TMEM245: variants seen among roughly 807,000 people sequenced by gnomAD.
The protein encoded by TMEM245 is protein CG-2.
In TMEM245, 69 loss-of-function variants were observed where a neutral mutation model predicts 101.2. The ratio of observed to expected loss-of-function variants is 0.68; its 90% CI spans 0.56 to 0.83. The LOEUF is 0.83. Among genes scored for constraint, TMEM245 ranks in the 40% least tolerant of loss-of-function variants. The pLI is 0.00. For synonymous variants in TMEM245, 537 were observed against 449.8 expected (o/e 1.19, Z -2.45); for missense variants, 1,075 against 1,092.8 (o/e 0.98, Z 0.23).
intron 14 of TMEM245, among the ~76,000 whole-genome samples, chr9:109,049,981 A>C (rs1376144894): frequency 6.6e-6 from 1 of 152,164 alleles, no homozygotes. Flanking sequence ...TTATAGAGAC[A>C]GGGTCTCACT....
At chr9:109,071,232 T>G (rs1008807031) in intron 9 of TMEM245, among the ~76,000 whole-genome samples, 1 of 152,086 alleles carries the variant, frequency 6.6e-6, no homozygotes, top group African/African-American at 2.4e-5. Context: ...GTATCATTAG[T>G]CCATTTTTTT....
intron 5 of TMEM245, 103 bp downstream of exon 5, chr9:109,090,819 T>C: frequency 1.9e-6 from 2 of 1,030,370 alleles, no homozygotes; most frequent in South Asian, 3.4e-5. Context: ...TGTTTTACTT[T>C]GCAAGACGGT....
At chr9:109,060,613 T>C (rs1342503664) in intron 10 of TMEM245, among the ~76,000 whole-genome samples, 161 bp from the exon 11 acceptor site, 1 of 152,230 alleles carries the variant, frequency 6.6e-6, no homozygotes, top group Non-Finnish European at 1.5e-5. Context: ...TACTCCTGAG[T>C]ATTCCCAGTA....
chr9:109,036,389 AG>A lies in TMEM245; in HGVS notation c.2225-10del, dbSNP rs773759406. On this transcript the variant is annotated splice_polypyrimidine_tract_variant and intron_variant, in intron 15 of 17. Coordinates refer to ENST00000374586, the MANE Select transcript of TMEM245 (RefSeq NM_032012.4). Reference sequence around the variant, plus strand: ...AAGGATTGCTGCTAATGCTGAAAAAAGAGTAAAAGAAAAACAACTTAACATC... The same window carrying A: ...AAGGATTGCTGCTAATGCTGAAAAAAAGTAAAAGAAAAACAACTTAACATC... 9.5e-5 allele frequency: 149 copies of A among 1,568,846 alleles called. 1 individual carries two copies. In the Admixed American group the frequency reaches 3.0e-3, roughly 32 times the overall value.
intron 12 of TMEM245, 21 bp from the exon 13 acceptor site, chr9:109,050,713 G>T (rs965872189): frequency 6.2e-7 from 1 of 1,610,782 alleles, no homozygotes; most frequent in Non-Finnish European, 8.5e-7. Context: ...AGGAAAGCTG[G>T]ATATCAGAAC....
intron 12 of TMEM245, among the ~76,000 whole-genome samples, chr9:109,054,323 T>A (rs1828773912): frequency 6.6e-6 from 1 of 152,066 alleles, no homozygotes; most frequent in Admixed American, 6.5e-5. Flanking sequence ...CAGCCTAATG[T>A]GCTTCTCTTA....
At chr9:109,056,231 G>A (rs994420411) in intron 12 of TMEM245, among the ~76,000 whole-genome samples, 2 of 152,084 alleles carry the variant, frequency 1.3e-5, no homozygotes, top group African/African-American at 4.8e-5. Context: ...ATACAGCAGG[G>A]CACTGCTGTT....
Position 109,017,926 on chromosome 9 carries a change from C to T in TMEM245, c.*2534G>A, listed in dbSNP as rs1478540625. 1 of 152,170 alleles carries T rather than the reference C, an allele frequency of 6.6e-6. No homozygotes were observed. Among genetic ancestry groups the T allele is most frequent in the African/African-American group, 2.4e-5 (1 of 41,434 alleles). The allele number at this position is 152,170 out of a possible 1,614,324, so 9.4% of individuals were successfully genotyped here. A position where few individuals can be genotyped will look rare whatever the true frequency, so the allele number is the denominator to read the frequency against. On this transcript the variant is annotated 3_prime_UTR_variant, in exon 18 of 18. Transcript: ENST00000374586. ...CCCCAGCTAGTGGACCTTCCTAGTC[C>T]TTATGCCGTTGCTGTAGCAATGGGG...
At chr9:109,118,017 A>C (rs904442506) in intron 1 of TMEM245, among the ~76,000 whole-genome samples, 13 of 152,264 alleles carry the variant, frequency 8.5e-5, no homozygotes, top group Non-Finnish European at 4.4e-5. Context: ...CTTTGGACCA[A>C]TCACATTCTC....
At chr9:109,077,724 G>C (rs897948245) in intron 8 of TMEM245, among the ~76,000 whole-genome samples, 6 of 152,130 alleles carry the variant, frequency 3.9e-5, no homozygotes, top group Admixed American at 3.3e-4. Flanking sequence ...GTCTAATATA[G>C]AATCAACTGC....
At chr9:109,034,601 C>G (rs1184543103) in intron 16 of TMEM245, among the ~76,000 whole-genome samples, 1 of 152,010 alleles carries the variant, frequency 6.6e-6, no homozygotes, top group Non-Finnish European at 1.5e-5. Flanking sequence ...CATGTGCCAC[C>G]ACACCAAACT....
intron 9 of TMEM245, among the ~76,000 whole-genome samples, chr9:109,070,240 C>T (rs143285545): frequency 5.5e-4 from 84 of 152,268 alleles, no homozygotes; most frequent in Middle Eastern, 3.4e-3. Context: ...AACTTCACCC[C>T]ATCTCTCCTG....
chr9:109,067,868 C>CTG (rs2132465559), intron 9 of TMEM245, among the ~76,000 whole-genome samples: 1 of 152,304 alleles, frequency 6.6e-6, no homozygotes, highest in South Asian at 2.1e-4. Context: ...TTATTCTTAA[C>CTG]TGTATCTTCT....
chr9:109,073,844 C>CTTTTT (rs1286950802), intron 8 of TMEM245, among the ~76,000 whole-genome samples: 40 of 121,536 alleles, frequency 3.3e-4, no homozygotes, highest in African/African-American at 7.3e-4. Context: ...AAGGAACTAA[C>CTTTTT]TTTTTTTTTT....
At chr9:109,099,124 T>A (rs1465420657) in intron 3 of TMEM245, among the ~76,000 whole-genome samples, 1 of 152,200 alleles carries the variant, frequency 6.6e-6, no homozygotes, top group East Asian at 1.9e-4. Context: ...CTCCCCAGCC[T>A]GCAAAGTTCC....
intron 3 of TMEM245, among the ~76,000 whole-genome samples, chr9:109,102,894 G>T (rs1246272265): frequency 2.6e-5 from 4 of 152,228 alleles, no homozygotes; most frequent in African/African-American, 9.6e-5. Context: ...TACCTCTCCA[G>T]TCACAGCTGC....
chr9:109,117,868 T>A (rs1050066234), intron 1 of TMEM245, among the ~76,000 whole-genome samples: 1 of 152,250 alleles, frequency 6.6e-6, no homozygotes, highest in Non-Finnish European at 1.5e-5. Context: ...TTATTTTTCT[T>A]AGAACATAGT....
chr9:109,057,431 C>T (rs1828873204), intron 11 of TMEM245, 109 bp from the exon 12 acceptor site: 23 of 1,274,594 alleles, frequency 1.8e-5, no homozygotes, highest in Non-Finnish European at 2.5e-5. Flanking sequence ...AGTAAGTACT[C>T]CAAGGAAAAG....
intron 1 of TMEM245, among the ~76,000 whole-genome samples, chr9:109,114,098 C>CA (rs984087595): frequency 6.6e-6 from 1 of 152,190 alleles, no homozygotes; most frequent in African/African-American, 2.4e-5. Context: ...AAAACAAAAA[C>CA]ACCACAACTA....
Sources: allele counts gnomAD v4.1 joint callset (sites outside exome capture counted in the v4.1 genomes callset), GRCh38; gene constraint gnomAD v4.1.1; transcripts MANE v1.5; gene names NCBI Gene and HGNC (gene_info 2026-07-23, HGNC 2026-07-21).